The following TSPEAR variants were observed in gnomAD, a reference collection of about 807,000 sequenced individuals.
The protein encoded by TSPEAR is thrombospondin-type laminin G domain and EAR repeat-containing protein.
A neutral mutation model predicts 71.6 loss-of-function variants in TSPEAR; 69 were observed. The observed-to-expected ratio is 0.96, with a 90% CI of 0.79 to 1.18. TSPEAR has a LOEUF of 1.18. Among genes scored for constraint, TSPEAR ranks in the 50% most tolerant of loss-of-function variants. The pLI is 0.00. For synonymous variants in TSPEAR, 402 were observed against 387.2 expected, an observed-to-expected ratio of 1.04 and a Z score of -0.45; for missense variants, 971 against 894.9, an observed-to-expected ratio of 1.09 and a Z score of -1.09.
rs998321652 is a variant in TSPEAR, at chr21:44,522,023, C to T, written c.1426G>A (p.Ala476Thr). 16 of 1,613,982 alleles carry T rather than the reference C, an allele frequency of 9.9e-6. No homozygotes were observed. The highest frequency in any genetic ancestry group is 6.7e-5 in the East Asian group (3 of 44,894). The change falls in exon 9 of 12, where the codon GCC becomes ACC. Residue 476 changes from alanine (A) to threonine (T), a missense_variant. Transcript: ENST00000323084. ...EANQTIATSG[A>T]YDWEFFSVGP... The stretch of plus-strand genomic sequence containing the variant: ...ACACTGAAGAACTCCCAGTCGTAGG[C>T]GCCGGAGGTGGCGATGGTCTGGTTG...
rs1555928905 is a variant in TSPEAR, at chr21:44,601,716, C to T, written c.83-33711G>A. On this transcript the variant is annotated intron_variant, in intron 1 of 11. Transcript: ENST00000323084. ...CGGCCTGCTGTGGCCCCACCTCAAC[C>T]CAGAAGTCCAGCTGCTGAGTGATCT... 3.1e-6 allele frequency: 5 copies of T among 1,611,234 alleles called. No homozygotes were observed. In the South Asian group the frequency reaches 5.5e-5, roughly 18 times the overall value.
At chr21:44,532,799 C>T (rs912517700) in intron 3 of TSPEAR, among the ~76,000 whole-genome samples, 1 of 152,224 alleles carries the variant, frequency 6.6e-6, no homozygotes, top group African/African-American at 2.4e-5. Context: ...AACCAGGCGA[C>T]GGCAAAAACG....
Position 44,612,510 on chromosome 21 carries a change from T to C in TSPEAR, c.83-44505A>G. ...TGCAAGCCCGTGTGCTGCGTGTCCA[T>C]CTGCTCTGGAGCTTCCTCCCCATGC... On this transcript the variant is annotated intron_variant, in intron 1 of 11. Transcript: ENST00000323084. The surrounding 1 kb of genome is among the most constrained non-coding windows in gnomAD (Gnocchi z 4.1). 6.2e-7 allele frequency: 1 copy of C among 1,607,814 alleles called. No individual in the cohort carries two copies. The highest frequency in any genetic ancestry group is 8.5e-7 in the Non-Finnish European group (1 of 1,176,786).
At chr21:44,510,165 A>G (rs2145923813) in intron 9 of TSPEAR, among the ~76,000 whole-genome samples, 1 of 152,302 alleles carries the variant, frequency 6.6e-6, no homozygotes, top group South Asian at 2.1e-4. Context: ...ACAAGGCGGA[A>G]GCTTCTGCCA....
At position 44,558,489 on chromosome 21, in the gene TSPEAR, G is replaced by A. The variant is rs144695928; in HGVS notation, c.303+9296C>T. On this transcript the variant is annotated intron_variant, in intron 2 of 11. Transcript: ENST00000323084. ...GCTAGACTGCTGGCAGCACGAGGGC[G>A]TGCAGGAGCTGGTGCAGCCTGACTG... 5.3e-4 allele frequency: 852 copies of A among 1,613,976 alleles called. 4 individuals are homozygous for A. In the African/African-American group the frequency reaches 9.0e-3, roughly 17 times the overall value.
chr21:44,652,864 TAG>T (rs1569242185), intron 1 of TSPEAR, among the ~76,000 whole-genome samples: 1 of 152,158 alleles, frequency 6.6e-6, no homozygotes, highest in African/African-American at 2.4e-5. Context: ...GGTTAAAATG[TAG>T]AGTCTTCTGG....
intron 1 of TSPEAR, chr21:44,654,069 G>A: frequency 1.7e-6 from 1 of 598,502 alleles, no homozygotes; most frequent in South Asian, 2.0e-5. Context: ...CCTGTGGATG[G>A]CCCAGGCTGT....
intron 1 of TSPEAR, chr21:44,658,272 C>G (rs1555943002): frequency 2.5e-6 from 4 of 1,612,970 alleles, no homozygotes; most frequent in Non-Finnish European, 3.4e-6. Context: ...TGCTGCTGAC[C>G]AGCTGCTCCT....
chr21:44,626,504 C>G (rs1434424125), intron 1 of TSPEAR, among the ~76,000 whole-genome samples: 2 of 150,670 alleles, frequency 1.3e-5, no homozygotes, highest in Non-Finnish European at 2.9e-5. Context: ...CCACAGCCCA[C>G]GATGCTGCCA....
At chr21:44,683,446 G>A (rs1986708301) in intron 1 of TSPEAR, among the ~76,000 whole-genome samples, 1 of 152,158 alleles carries the variant, frequency 6.6e-6, no homozygotes, top group Admixed American at 6.5e-5. Flanking sequence ...TGGGAAGATT[G>A]CTTGAGGCTA....
At chr21:44,536,902 T>C (rs1447308519) in intron 2 of TSPEAR, among the ~76,000 whole-genome samples, 2 of 152,192 alleles carry the variant, frequency 1.3e-5, no homozygotes, top group African/African-American at 4.8e-5. Flanking sequence ...TATAGACATA[T>C]ATACAGGATT....
At chr21:44,610,132 C>A (rs1981562319) in intron 1 of TSPEAR, among the ~76,000 whole-genome samples, 1 of 152,122 alleles carries the variant, frequency 6.6e-6, no homozygotes, top group Non-Finnish European at 1.5e-5. Context: ...AAATTTGTAG[C>A]CTGACTATGC....
In TSPEAR at chr21:44,499,927, G is replaced by A; in HGVS notation, c.1866C>T (p.Gly622=). 6.2e-7 allele frequency: 1 copy of A among 1,605,854 alleles called. No individual in the cohort carries two copies. The highest frequency in any genetic ancestry group is 8.5e-7 in the Non-Finnish European group (1 of 1,177,644). ...TGTGCACCGCCACGAAGCCCTCGTA[G>A]CCCTGCCACCTGCGGAACAGACAGC... ...SVNSIIYRWQ[G]YEGFVAVHSL... The change falls in exon 12 of 12, where the codon GGC becomes GGT. Residue 622 remains glycine, a synonymous_variant. Coordinates refer to ENST00000323084, the MANE Select transcript of TSPEAR (RefSeq NM_144991.3).
intron 2 of TSPEAR, among the ~76,000 whole-genome samples, chr21:44,550,169 C>G (rs1268582946): frequency 6.6e-6 from 1 of 152,266 alleles, no homozygotes; most frequent in Non-Finnish European, 1.5e-5. Context: ...CCCACAGGAC[C>G]TGGGAGGGGA....
chr21:44,521,794 CCCCCA>C, intron 9 of TSPEAR, 84 bp downstream of exon 9: 43 of 1,300,212 alleles, frequency 3.3e-5, no homozygotes, highest in Admixed American at 1.7e-4. Context: ...TCTCGGTGGA[CCCCCA>C]GCCCACATCA....
intron 1 of TSPEAR, chr21:44,637,602 G>A (rs1983690556): frequency 6.2e-7 from 1 of 1,613,766 alleles, no homozygotes; most frequent in African/African-American, 1.3e-5. Flanking sequence ...CCCAGCGCCT[G>A]CCAATCAGGC....
chr21:44,676,244 C>T, intron 1 of TSPEAR: 1 of 1,296,214 alleles, frequency 7.7e-7, no homozygotes, highest in East Asian at 2.3e-5. Context: ...TAAAAGCGGA[C>T]TCTAAGGGTC....
intron 11 of TSPEAR, among the ~76,000 whole-genome samples, chr21:44,501,348 C>T (rs587650859): frequency 6.6e-6 from 1 of 152,308 alleles, no homozygotes; most frequent in Non-Finnish European, 1.5e-5. Context: ...GTAATCCCAG[C>T]ACTTTGGGAG....
Position 44,689,712 on chromosome 21 carries a change from A to ATATATATATATATATATATATATATATAT in TSPEAR, c.82+21720_82+21721insATATATATATATATATATATATATATATA, listed in dbSNP as rs1555949491. Reference sequence around the variant, plus strand: ...TCCCTTAGAGGGACAGAATAGAATGAATATATATATATATATATATATATA... The same window carrying ATATATATATATATATATATATATATATAT: ...TCCCTTAGAGGGACAGAATAGAATGATATATATATATATATATATATATATATATATATATATATATATATATATATATA... On this transcript the variant is annotated intron_variant, in intron 1 of 11. Coordinates refer to ENST00000323084, the MANE Select transcript of TSPEAR (RefSeq NM_144991.3). 7.1e-3 allele frequency among the ~76,000 whole-genome samples: 440 copies of ATATATATATATATATATATATATATATAT among 61,978 alleles called. 85 individuals carry two copies. Among genetic ancestry groups the ATATATATATATATATATATATATATATAT allele is most frequent in the Admixed American group, 9.7e-3 (52 of 5,358 alleles). 40.7% of individuals were successfully genotyped at this position (61,978 alleles called of 152,430 possible).
Sources: gnomAD v4.1 joint callset for allele counts (sites outside exome capture counted in the v4.1 genomes callset) on GRCh38, gnomAD v4.1.1 for gene constraint, Gnocchi (gnomAD v3.1) non-coding constraint, MANE v1.5 for transcripts, NCBI Gene and HGNC (gene_info 2026-07-23, HGNC 2026-07-21) for gene names.